ADAMTSL1: variants seen among roughly 807,000 people sequenced by gnomAD.
ADAMTSL1 encodes the protein ADAMTS-like protein 1.
A neutral mutation model predicts 201.8 loss-of-function variants in ADAMTSL1; 126 were observed. The observed-to-expected ratio is 0.62, with a 90% CI of 0.54 to 0.72. ADAMTSL1 has a LOEUF of 0.72. ADAMTSL1 is among the 30% of genes least tolerant of loss of function. ADAMTSL1 has a pLI of 0.00. For missense variants in ADAMTSL1, 2,679 were observed against 2,277.8 expected (o/e 1.18, Z -3.59); for synonymous variants, 1,121 against 903.4 (o/e 1.24, Z -4.32).
chr9:17,955,462 C>T (rs757893666), intron 1 of ADAMTSL1, among the ~76,000 whole-genome samples: 57 of 152,044 alleles, frequency 3.7e-4, no homozygotes, highest in Admixed American at 6.6e-5. Context: ...TAAAGTAGTC[C>T]CCCTTATCCA....
At chr9:17,947,765 G>T (rs937389363) in intron 1 of ADAMTSL1, among the ~76,000 whole-genome samples, 3 of 152,122 alleles carry the variant, frequency 2.0e-5, no homozygotes, top group Non-Finnish European at 4.4e-5. Flanking sequence ...CCAGTTAATG[G>T]CATTGCTTCA....
At chr9:18,848,334 C>T (rs760890958) in intron 23 of ADAMTSL1, among the ~76,000 whole-genome samples, 4 of 152,242 alleles carry the variant, frequency 2.6e-5, no homozygotes, top group Non-Finnish European at 4.4e-5. Context: ...TCTCCGTCTT[C>T]TACAACCCAT....
intron 3 of ADAMTSL1, among the ~76,000 whole-genome samples, chr9:18,570,408 G>T (rs980126196): frequency 1.3e-5 from 2 of 152,150 alleles, no homozygotes; most frequent in African/African-American, 4.8e-5. Flanking sequence ...TCTTGCAGCT[G>T]GATGATCCCA....
intron 2 of ADAMTSL1, among the ~76,000 whole-genome samples, chr9:18,337,174 C>G (rs1429857071): frequency 6.6e-6 from 1 of 152,116 alleles, no homozygotes; most frequent in African/African-American, 2.4e-5. Context: ...AGAATAAAAG[C>G]AGGCTGAAGA....
intron 9 of ADAMTSL1, among the ~76,000 whole-genome samples, chr9:18,672,259 T>C (rs1829866835): frequency 6.6e-6 from 1 of 152,042 alleles, no homozygotes; most frequent in African/African-American, 2.4e-5. Context: ...GACTCAATGA[T>C]CTTGAAGTAA....
intron 2 of ADAMTSL1, among the ~76,000 whole-genome samples, chr9:18,449,485 A>G (rs1261433123): frequency 2.6e-5 from 4 of 152,048 alleles, no homozygotes; most frequent in African/African-American, 7.2e-5. Flanking sequence ...AAACTTGTTT[A>G]ACTTAATATA....
chr9:18,788,291 C>T (rs570452383), intron 19 of ADAMTSL1, among the ~76,000 whole-genome samples: 169 of 152,154 alleles, frequency 1.1e-3, no homozygotes, highest in African/African-American at 4.0e-3. Context: ...TTCCTTTTGC[C>T]TCCCGTTTGA....
chr9:18,412,762 A>G (rs1201608638), intron 2 of ADAMTSL1, among the ~76,000 whole-genome samples: 1 of 152,090 alleles, frequency 6.6e-6, no homozygotes, highest in African/African-American at 2.4e-5. Context: ...TTTTGACATA[A>G]TTTCATTCAT....
At chr9:18,234,963 C>G (rs972871226) in intron 2 of ADAMTSL1, among the ~76,000 whole-genome samples, 2 of 152,192 alleles carry the variant, frequency 1.3e-5, no homozygotes, top group Non-Finnish European at 2.9e-5. Context: ...CCATATACCT[C>G]ACACTGAGAT....
intron 13 of ADAMTSL1, 38 bp from the exon 14 acceptor site, chr9:18,706,709 C>T: frequency 6.5e-7 from 1 of 1,536,414 alleles, no homozygotes; most frequent in Non-Finnish European, 8.8e-7. Flanking sequence ...CTGCCTGGGG[C>T]TTCTCATCCT....
At chr9:18,679,037 C>A (rs1268060797) in intron 10 of ADAMTSL1, among the ~76,000 whole-genome samples, 1 of 152,152 alleles carries the variant, frequency 6.6e-6, no homozygotes, top group Non-Finnish European at 1.5e-5. Flanking sequence ...TGGCTTTTGG[C>A]AGGCAGATAA....
At chr9:18,017,910 G>A (rs1404725882) in intron 1 of ADAMTSL1, among the ~76,000 whole-genome samples, 2 of 151,974 alleles carry the variant, frequency 1.3e-5, no homozygotes, top group African/African-American at 2.4e-5. Flanking sequence ...TCAGATCAAT[G>A]CACATGTAAT....
chr9:18,523,263 C>T (rs1818815846), intron 2 of ADAMTSL1, among the ~76,000 whole-genome samples: 1 of 152,240 alleles, frequency 6.6e-6, no homozygotes, highest in East Asian at 1.9e-4. Flanking sequence ...CTGTTCATAT[C>T]CTTTTCCCAC....
At chr9:18,332,521 G>GC (rs2132916133) in intron 2 of ADAMTSL1, among the ~76,000 whole-genome samples, 1 of 152,096 alleles carries the variant, frequency 6.6e-6, no homozygotes, top group South Asian at 2.1e-4. Context: ...TACAATCATA[G>GC]CCCCCTGCAG....
chr9:17,908,704 C>T (rs1254805011), intron 1 of ADAMTSL1, among the ~76,000 whole-genome samples: 5 of 152,180 alleles, frequency 3.3e-5, no homozygotes, highest in South Asian at 2.1e-4. Context: ...GTGATCCACT[C>T]GCCTCGGCCT....
chr9:18,088,603 A>G (rs1360910434), intron 1 of ADAMTSL1, among the ~76,000 whole-genome samples: 2 of 152,214 alleles, frequency 1.3e-5, no homozygotes, highest in African/African-American at 2.4e-5. Flanking sequence ...ATACATACAA[A>G]TGATCAACAG....
At position 18,574,203 on chromosome 9, in the gene ADAMTSL1, G is replaced by C; in HGVS notation, c.411G>C (p.Lys137Asn). 2 of 1,614,138 alleles carry C rather than the reference G, an allele frequency of 1.2e-6. No homozygotes were observed. The highest frequency in any genetic ancestry group is 1.7e-6 in the Non-Finnish European group (2 of 1,180,018). The part of the protein sequence containing the change: ...GTTLVVELAP[K>N]VLDGTRCYTE... ...CCCTGGTTGTTGAACTAGCACCTAA[G>C]GTCTTAGATGGTACGCGTTGCTATA... The change falls in exon 4 of 29, where the codon AAG (lysine) becomes AAC (asparagine). Residue 137 changes from lysine (K) to asparagine (N), a missense_variant. Physicochemically the swap from Lys to Asn is moderately conservative, Grantham distance 94. Coordinates refer to ENST00000380548, the MANE Select transcript of ADAMTSL1 (RefSeq NM_001040272.6).
At chr9:18,861,281 A>G (rs1035318532) in intron 23 of ADAMTSL1, among the ~76,000 whole-genome samples, 1 of 152,208 alleles carries the variant, frequency 6.6e-6, no homozygotes, top group African/African-American at 2.4e-5. Context: ...GAACTGATTC[A>G]ATCAAGTTAT....
chr9:18,578,668 T>C (rs1458674088), intron 4 of ADAMTSL1, among the ~76,000 whole-genome samples: 1 of 152,210 alleles, frequency 6.6e-6, no homozygotes, highest in Non-Finnish European at 1.5e-5. Context: ...TTTAAAGTGC[T>C]TACTATGCCG....
Sources: allele counts gnomAD v4.1 joint callset (sites outside exome capture counted in the v4.1 genomes callset), GRCh38; gene constraint gnomAD v4.1.1; transcripts MANE v1.5; gene names NCBI Gene and HGNC (gene_info 2026-07-23, HGNC 2026-07-21).